Variants in EFHB observed in about 807,000 individuals in gnomAD.
The protein encoded by EFHB is EF-hand domain-containing family member B.
A neutral mutation model predicts 87.2 loss-of-function variants in EFHB; 91 were observed. The ratio of observed to expected loss-of-function variants is 1.04; its 90% CI spans 0.88 to 1.24. The LOEUF is 1.24. Among genes scored for constraint, EFHB ranks in the 50% most tolerant of loss-of-function variants. The pLI is 0.00. For missense variants in EFHB, 1,084 were observed against 998.8 expected (o/e 1.09, Z -1.15); for synonymous variants, 325 against 333.6 (o/e 0.97, Z 0.28).
intron 1 of EFHB, among the ~76,000 whole-genome samples, chr3:19,925,031 G>A (rs754965794): frequency 6.6e-6 from 1 of 151,922 alleles, no homozygotes; most frequent in East Asian, 1.9e-4. Flanking sequence ...GGATCACGAG[G>A]TCAGGAGATC....
intron 5 of EFHB, among the ~76,000 whole-genome samples, chr3:19,912,613 T>C (rs771895927): frequency 7.9e-5 from 12 of 152,056 alleles, no homozygotes; most frequent in Admixed American, 3.9e-4. Context: ...TTATCCCGAG[T>C]AGATAGACTA....
At chr3:19,914,371 A>T (rs1044149983) in intron 5 of EFHB, among the ~76,000 whole-genome samples, 1 of 152,240 alleles carries the variant, frequency 6.6e-6, no homozygotes, top group Non-Finnish European at 1.5e-5. Context: ...GACGTGTATC[A>T]GTCTACTTCT....
intron 5 of EFHB, among the ~76,000 whole-genome samples, chr3:19,914,439 A>G (rs909625774): frequency 5.9e-5 from 9 of 152,162 alleles, no homozygotes; most frequent in African/African-American, 2.2e-4. Flanking sequence ...ATTGAGTTTT[A>G]TTTTATAGCA....
chr3:19,918,692 G>C (rs1048965734), intron 3 of EFHB, among the ~76,000 whole-genome samples: 1 of 151,894 alleles, frequency 6.6e-6, no homozygotes, highest in African/African-American at 2.4e-5. Context: ...AAGAAAAGTG[G>C]TGCCAGGTGT....
chr3:19,920,484 A>C, intron 2 of EFHB, 21 bp downstream of exon 2: 1 of 1,576,186 alleles, frequency 6.3e-7, no homozygotes. Context: ...AGAAATATAA[A>C]GGTATATTGA....
At chr3:19,923,916 T>C (rs1318144831) in intron 1 of EFHB, among the ~76,000 whole-genome samples, 1 of 152,202 alleles carries the variant, frequency 6.6e-6, no homozygotes, top group Non-Finnish European at 1.5e-5. Flanking sequence ...ATAAAATTTC[T>C]ACTTTTCACC....
chr3:19,912,865 A>G (rs972739893), intron 5 of EFHB, among the ~76,000 whole-genome samples: 2 of 152,176 alleles, frequency 1.3e-5, no homozygotes, highest in Non-Finnish European at 2.9e-5. Flanking sequence ...GGACCCAAGT[A>G]TTTTTCAGCA....
intron 10 of EFHB, among the ~76,000 whole-genome samples, chr3:19,888,141 A>T (rs1027938995): frequency 3.9e-5 from 6 of 152,148 alleles, no homozygotes; most frequent in African/African-American, 1.4e-4. Flanking sequence ...AATAAAAACC[A>T]TGTATAAATG....
chr3:19,945,333 C>T (rs1334553493), intron 1 of EFHB, among the ~76,000 whole-genome samples: 1 of 152,166 alleles, frequency 6.6e-6, no homozygotes, highest in African/African-American at 2.4e-5. Flanking sequence ...TAGCATTGAA[C>T]ATTTTTTAGT....
chr3:19,905,615 C>G lies in EFHB; in HGVS notation c.1418+5G>C. 6.2e-7 allele frequency: 1 copy of G among 1,612,908 alleles called. No individual in the cohort carries two copies. The highest frequency in any genetic ancestry group is 8.5e-7 in the Non-Finnish European group (1 of 1,179,256). ...TGTTCCTGGGCACAGTATAATTAAA[C>G]TTACATTTGTAGTTCATGGAGCCAA... On this transcript the variant is annotated splice_donor_5th_base_variant and intron_variant, in intron 6 of 12. Coordinates refer to ENST00000295824, the MANE Select transcript of EFHB (RefSeq NM_144715.4).
chr3:19,911,818 GT>G (rs750011443), intron 5 of EFHB, among the ~76,000 whole-genome samples: 25 of 151,854 alleles, frequency 1.6e-4, no homozygotes, highest in Non-Finnish European at 3.7e-4. Flanking sequence ...AAATCTAAGA[GT>G]TATTGGCCTT....
At chr3:19,894,240 C>T (rs1188620589) in intron 9 of EFHB, among the ~76,000 whole-genome samples, 1 of 152,124 alleles carries the variant, frequency 6.6e-6, no homozygotes, top group Admixed American at 6.5e-5. Context: ...TGCTGCTTTC[C>T]ATGGTGTTCA....
chr3:19,899,412 G>A lies in EFHB; in HGVS notation c.1502+20C>T, dbSNP rs371131437. 1.5e-5 allele frequency: 23 copies of A among 1,531,684 alleles called. No homozygotes were observed. In the African/African-American group the frequency reaches 2.9e-4, roughly 19 times the overall value. The allele number at this position is 1,531,684 out of a possible 1,614,324, so 94.9% of individuals were successfully genotyped here. A position where few individuals can be genotyped will look rare whatever the true frequency, so the allele number is the denominator to read the frequency against. On this transcript the variant is annotated intron_variant, in intron 7 of 12. Coordinates refer to ENST00000295824, the MANE Select transcript of EFHB (RefSeq NM_144715.4). ...TTCTATGCAAAGAAACTATCAATTT[G>A]AAGTTAATCATTAACTTACGGATCT...
chr3:19,884,305 G>A (rs2071756393), intron 11 of EFHB, 98 bp downstream of exon 11: 2 of 1,159,108 alleles, frequency 1.7e-6, no homozygotes, highest in South Asian at 1.6e-5. Flanking sequence ...ACAAAGCTTT[G>A]GGAAACTTAA....
At chr3:19,928,766 T>C (rs1695721533) in intron 1 of EFHB, among the ~76,000 whole-genome samples, 2 of 152,124 alleles carry the variant, frequency 1.3e-5, no homozygotes, top group South Asian at 4.1e-4. Context: ...TTTTTAATAT[T>C]GTATTTTTTT....
intron 1 of EFHB, chr3:19,940,281 C>T (rs1038789542): frequency 3.4e-5 from 9 of 268,456 alleles, no homozygotes; most frequent in South Asian, 3.1e-4. Flanking sequence ...CAGTGTTGGG[C>T]CCTGAGAAAG....
Position 19,888,546 on chromosome 3 carries a change from C to T in EFHB, c.1831G>A (p.Val611Met), listed in dbSNP as rs774128621. The change falls in exon 10 of 13, where the codon GTG becomes ATG. Residue 611 changes from valine (V) to methionine (M), a missense_variant. Transcript: ENST00000295824. The part of the protein sequence containing the change: ...LLDQLFDYCD[V>M]DNDGFINYLE... ...TAGTTAATGAAGCCATCATTATCCA[C>T]ATCACAGTAGTCAAATAGCTGGTCC... The T allele has an allele frequency of 4.4e-6, 7 of 1,594,290 alleles. No individual in the cohort carries two copies. The South Asian group carries it at 8.0e-5, about 18-fold the overall frequency.
chr3:19,879,604 T>G lies in EFHB; in HGVS notation c.*27A>C. ...ATAAACACAGAGTTAATAATTCTTTTGCTTGAATGAATGAAGTCCAAAAAT... is the reference window on the plus strand; with the variant it reads ...ATAAACACAGAGTTAATAATTCTTTGGCTTGAATGAATGAAGTCCAAAAAT... On this transcript the variant is annotated 3_prime_UTR_variant, in exon 13 of 13. Transcript: ENST00000295824. 1 of 1,526,652 alleles carries G rather than the reference T, an allele frequency of 6.6e-7. No homozygotes were observed. Among genetic ancestry groups the G allele is most frequent in the Non-Finnish European group, 8.8e-7 (1 of 1,139,194 alleles). The allele number at this position is 1,526,652 out of a possible 1,614,324, so 94.6% of individuals were successfully genotyped here.
In EFHB at chr3:19,919,956, T is replaced by C. The variant is rs895648936; in HGVS notation, c.873A>G (p.Ala291=). Reference sequence around the variant, plus strand: ...GATATCTGAAGTTGAAATACTTTTTTGCTTCAGGTGGAGTAATTAGCTACA... The same window carrying C: ...GATATCTGAAGTTGAAATACTTTTTCGCTTCAGGTGGAGTAATTAGCTACA... ...KLPRLITPPE[A]KKYFNFRYPP... The change falls in exon 3 of 13, where the codon GCA becomes GCG. Residue 291 remains alanine (A), a synonymous_variant. Transcript: ENST00000295824. 1 of 1,613,754 alleles carries C rather than the reference T, an allele frequency of 6.2e-7. No homozygotes were observed. The highest frequency in any genetic ancestry group is 1.7e-5 in the Admixed American group (1 of 60,014).
Sources: allele counts gnomAD v4.1 joint callset (sites outside exome capture counted in the v4.1 genomes callset), GRCh38; gene constraint gnomAD v4.1.1; transcripts MANE v1.5; gene names NCBI Gene and HGNC (gene_info 2026-07-23, HGNC 2026-07-21).